The following CDK12 variants were observed in gnomAD, a reference collection of about 807,000 sequenced individuals.
The protein encoded by CDK12 is cyclin-dependent kinase 12.
In CDK12, 17 loss-of-function variants were observed where a neutral mutation model predicts 133.8. That is an observed-to-expected ratio of 0.13 (90% CI 0.09 to 0.19). The LOEUF is 0.19. Ranked by LOEUF, CDK12 falls within the 10% of genes least tolerant of loss-of-function variation. CDK12 has a pLI of 1.00. For synonymous variants in CDK12, 694 were observed against 683.6 expected, an observed-to-expected ratio of 1.02 and a Z score of -0.24; for missense variants, 1,508 against 1,818.7, an observed-to-expected ratio of 0.83 and a Z score of 3.11.
chr17:39,497,976 C>CCTCTCTCTTTCT (rs1217721600), intron 5 of CDK12, among the ~76,000 whole-genome samples: 1 of 150,648 alleles, frequency 6.6e-6, no homozygotes, highest in South Asian at 2.1e-4. Context: ...ACTTTCTCTC[C>CCTCTCTCTTTCT]CTCTCTCTTT....
intron 2 of CDK12, among the ~76,000 whole-genome samples, chr17:39,552,875 C>T (rs185244998): frequency 2.8e-4 from 43 of 152,180 alleles, no homozygotes; most frequent in Admixed American, 2.3e-3. Context: ...ATTATAGGTG[C>T]GCACCACCAT....
At chr17:39,514,912 T>C (rs545875611) in intron 8 of CDK12, among the ~76,000 whole-genome samples, 2 of 152,300 alleles carry the variant, frequency 1.3e-5, no homozygotes, top group Admixed American at 1.3e-4. Flanking sequence ...GGCAAACCAC[T>C]GTTCTGCATT....
At chr17:39,477,941 C>T (rs577804816) in intron 2 of CDK12, among the ~76,000 whole-genome samples, 15 of 151,502 alleles carry the variant, frequency 9.9e-5, no homozygotes, top group East Asian at 1.9e-4. Context: ...CTCCTGACTT[C>T]GGGGTCTGCC....
chr17:39,522,098 T>G (rs2054209078), intron 11 of CDK12, among the ~76,000 whole-genome samples: 1 of 151,984 alleles, frequency 6.6e-6, no homozygotes, highest in Admixed American at 6.6e-5. Flanking sequence ...TCCCAGTTTT[T>G]TGGGGTTTTT....
chr17:39,477,021 AATT>A (rs959551542), intron 2 of CDK12, among the ~76,000 whole-genome samples: 5 of 148,966 alleles, frequency 3.4e-5, no homozygotes, highest in South Asian at 4.3e-4. Context: ...GCCCTAATCT[AATT>A]ATTATTATTA....
In CDK12 at chr17:39,504,736, G is replaced by C. The variant is rs2052973328; in HGVS notation, c.2609+3297G>C. On this transcript the variant is annotated intron_variant, in intron 6 of 13. Transcript: ENST00000447079. Reference sequence around the variant, plus strand: ...TCTACTAAAAGTACAAAAATTAGCTGAGCTTGGTGGTGCACGCATCTAATC... The same window carrying C: ...TCTACTAAAAGTACAAAAATTAGCTCAGCTTGGTGGTGCACGCATCTAATC... 2.0e-5 allele frequency among the ~76,000 whole-genome samples: 3 copies of C among 151,790 alleles called. No homozygotes were observed. In the South Asian group the frequency reaches 6.2e-4, roughly 32 times the overall value.
chr17:39,563,796 G>C (rs945817360), intron 3 of CDK12, among the ~76,000 whole-genome samples: 8 of 149,998 alleles, frequency 5.3e-5, no homozygotes, highest in Non-Finnish European at 1.0e-4. Context: ...AGTGAGGAAG[G>C]GGGGAGAGAA....
chr17:39,502,482 A>G (rs1292679081), intron 6 of CDK12, among the ~76,000 whole-genome samples: 1 of 152,132 alleles, frequency 6.6e-6, no homozygotes, highest in African/African-American at 2.4e-5. Context: ...GACATTATCT[A>G]TATAGGAACA....
intron 8 of CDK12, among the ~76,000 whole-genome samples, chr17:39,515,228 A>G (rs2053728328): frequency 6.6e-6 from 1 of 152,104 alleles, no homozygotes; most frequent in Non-Finnish European, 1.5e-5. Flanking sequence ...TAAAAATAAA[A>G]AAAGTCCAAC....
At chr17:39,463,456 T>C (rs2049088609) in intron 1 of CDK12, among the ~76,000 whole-genome samples, 1 of 152,184 alleles carries the variant, frequency 6.6e-6, no homozygotes, top group Non-Finnish European at 1.5e-5. Flanking sequence ...TGCTTAGTTT[T>C]ATATTTTTAA....
At chr17:39,544,742 T>C (rs1437202209), upstream of CDK12, among the ~76,000 whole-genome samples, 1 of 150,910 alleles carries the variant, frequency 6.6e-6, no homozygotes, top group Non-Finnish European at 1.5e-5. Context: ...GCGATTCTCC[T>C]GCCTTAGCCT....
intron 6 of CDK12, among the ~76,000 whole-genome samples, chr17:39,505,183 C>T (rs1186556662): frequency 2.8e-5 from 4 of 143,308 alleles, no homozygotes; most frequent in East Asian, 2.1e-4. Flanking sequence ...GAGCTGAGAT[C>T]GCGCCACTGC....
intron 2 of CDK12, 76 bp from the exon 3 acceptor site, chr17:39,490,481 G>T (rs2051501744): frequency 1.1e-6 from 1 of 951,120 alleles, no homozygotes; most frequent in Non-Finnish European, 1.5e-6. Context: ...TCGTAACCAG[G>T]CATTATGATC....
chr17:39,540,178 C>A (rs546216560), intron 1 of CDK12, among the ~76,000 whole-genome samples: 26 of 152,300 alleles, frequency 1.7e-4, no homozygotes, highest in African/African-American at 4.6e-4. Context: ...TAGGAATTAG[C>A]AAGGCTTGGT....
upstream of CDK12, among the ~76,000 whole-genome samples, chr17:39,544,604 A>G (rs1173603829): frequency 2.2e-5 from 3 of 136,966 alleles, no homozygotes; most frequent in African/African-American, 8.0e-5. Context: ...CAGCCTCTTG[A>G]GTAGCTGGGT....
In CDK12 at chr17:39,531,626, CACTT is replaced by C. The variant is rs1478675538; in HGVS notation, c.*314_*317del. 2.7e-5 allele frequency: 8 copies of C among 296,898 alleles called. No individual in the cohort carries two copies. In the Admixed American group the frequency reaches 4.0e-4, roughly 15 times the overall value. 18.4% of individuals were successfully genotyped at this position (296,898 alleles called of 1,614,324 possible). ...AAATGTTTTATTAGTTCATTGCCTG[CACTT>C]ACTGATCGGAAGAGAGAAAGAACAG... is the stretch of plus-strand genomic sequence containing the variant. On this transcript the variant is annotated 3_prime_UTR_variant, in exon 14 of 14. Coordinates refer to ENST00000447079, the MANE Select transcript of CDK12 (RefSeq NM_016507.4).
chr17:39,477,567 ATTATTTATTTTTTTT>A (rs2050309506), intron 2 of CDK12, among the ~76,000 whole-genome samples: 1 of 137,570 alleles, frequency 7.3e-6, no homozygotes, highest in Admixed American at 7.6e-5. Flanking sequence ...TTATTTATTT[ATTATTTATTTTTTTT>A]TTTTTTTTGA....
intron 2 of CDK12, among the ~76,000 whole-genome samples, chr17:39,472,668 T>C (rs1017271044): frequency 6.6e-6 from 1 of 152,170 alleles, no homozygotes; most frequent in Non-Finnish European, 1.5e-5. Flanking sequence ...CATGACACTT[T>C]ACTTCTAAAT....
intron 11 of CDK12, among the ~76,000 whole-genome samples, chr17:39,522,325 A>G (rs1158362923): frequency 2.0e-5 from 3 of 151,730 alleles, no homozygotes; most frequent in Non-Finnish European, 4.4e-5. Flanking sequence ...GACCTCAGGT[A>G]ATCTGCCTGC....
Sources: gnomAD v4.1 joint callset for allele counts (sites outside exome capture counted in the v4.1 genomes callset) on GRCh38, gnomAD v4.1.1 for gene constraint, MANE v1.5 for transcripts, NCBI Gene and HGNC (gene_info 2026-07-23, HGNC 2026-07-21) for gene names.